The following TANC2 variants were observed in gnomAD, a reference collection of about 807,000 sequenced individuals.
TANC2 encodes the protein protein TANC2.
In TANC2, 26 loss-of-function variants were observed where a neutral mutation model predicts 210.5. The ratio of observed to expected loss-of-function variants is 0.12; its 90% CI spans 0.09 to 0.17. The LOEUF (loss-of-function observed/expected upper bound fraction) is 0.17, where lower values mean the gene tolerates loss of function less well. Among genes scored for constraint, TANC2 ranks in the 10% least tolerant of loss-of-function variants. The pLI, the probability that TANC2 is intolerant of heterozygous loss-of-function variation, is 1.00. For missense variants in TANC2, 2,129 were observed against 2,608.9 expected (o/e 0.82, Z 4.01); for synonymous variants, 931 against 967.1 (o/e 0.96, Z 0.69).
intron 7 of TANC2, among the ~76,000 whole-genome samples, chr17:63,211,957 G>A (rs2041899575): frequency 6.6e-6 from 1 of 152,090 alleles, no homozygotes; most frequent in African/African-American, 2.4e-5. Flanking sequence ...GTATACATGT[G>A]CCGTGTTGGT....
intron 14 of TANC2, among the ~76,000 whole-genome samples, chr17:63,376,814 C>CT (rs771564600): frequency 0.01 from 1,307 of 125,946 alleles, 14 homozygotes; most frequent in African/African-American, 0.015. Context: ...CCACTGTACT[C>CT]TTTTTTTTTT....
At chr17:63,257,868 A>G (rs2043243125) in intron 8 of TANC2, among the ~76,000 whole-genome samples, 1 of 152,198 alleles carries the variant, frequency 6.6e-6, no homozygotes, top group Non-Finnish European at 1.5e-5. Flanking sequence ...TGATAGGTTC[A>G]ACTTTTAGGC....
intron 8 of TANC2, among the ~76,000 whole-genome samples, chr17:63,262,443 G>A (rs1314273913): frequency 6.6e-6 from 1 of 152,156 alleles, no homozygotes; most frequent in Non-Finnish European, 1.5e-5. Context: ...TCCCACCTCA[G>A]CCTTCTTAGT....
At chr17:63,314,498 G>A (rs773996052) in exon 10 of TANC2, 31 of 1,613,888 alleles carry the variant, frequency 1.9e-5, no homozygotes, top group Non-Finnish European at 2.5e-5. Flanking sequence ...GGTTTTCCAC[G>A]AAATAGATGC....
rs140257423 is a variant in TANC2, at chr17:63,058,359, C to G, written c.68-15584C>G. On this transcript the variant is annotated intron_variant, in intron 2 of 27. Transcript: ENST00000689528. The stretch of plus-strand genomic sequence containing the variant: ...TGCATAGTTTGCAAAAATTCTCTCC[C>G]ATTATTTAGATTGTCTATTTACTCT... 8.3e-3 allele frequency among the ~76,000 whole-genome samples: 1,269 copies of G among 152,226 alleles called. 16 individuals carry two copies. Among genetic ancestry groups the G allele is most frequent in the African/African-American group, 0.028 (1,171 of 41,544 alleles).
chr17:63,262,012 A>G (rs1161619122), intron 8 of TANC2, among the ~76,000 whole-genome samples: 1 of 152,220 alleles, frequency 6.6e-6, no homozygotes, highest in Non-Finnish European at 1.5e-5. Flanking sequence ...TTTGTTATCT[A>G]AAAACTAAAT....
intron 6 of TANC2, among the ~76,000 whole-genome samples, chr17:63,197,467 T>C (rs1486242078): frequency 6.6e-6 from 1 of 152,184 alleles, no homozygotes; most frequent in African/African-American, 2.4e-5. Context: ...TGGTGACTTT[T>C]TTCTGAGCTA....
chr17:63,305,884 G>C (rs571384166), intron 9 of TANC2, among the ~76,000 whole-genome samples: 32 of 152,344 alleles, frequency 2.1e-4, no homozygotes, highest in African/African-American at 7.2e-4. Context: ...AGGGTACTCT[G>C]TGAAGACTGC....
intron 5 of TANC2, among the ~76,000 whole-genome samples, chr17:63,181,666 C>T (rs1031172971): frequency 5.9e-5 from 9 of 152,154 alleles, no homozygotes; most frequent in Non-Finnish European, 1.3e-4. Context: ...TCTGCTTTGT[C>T]GGGTAATAAT....
Position 63,421,633 on chromosome 17 carries a change from A to G in TANC2, c.5903A>G (p.Asn1968Ser), listed in dbSNP as rs1249139588. The stretch of plus-strand genomic sequence containing the variant: ...GTCCTCAGTCCCACGTCTCCAGGCA[A>G]CCTGCCTCAGCCTGAGTCCTTCAGT... The change falls in exon 28 of 28, where the codon AAC (asparagine) becomes AGC (serine). Residue 1968 changes from asparagine to serine, a missense_variant. By Grantham distance (46) the Asn-to-Ser change is conservative. Coordinates refer to ENST00000689528, the Ensembl canonical transcript of TANC2. This position sits in a 1 kb window ranked among gnomAD's most constrained non-coding sequence, Gnocchi z 6.9. 2 of 1,614,012 alleles carry G rather than the reference A, an allele frequency of 1.2e-6. No homozygotes were observed. Among genetic ancestry groups the G allele is most frequent in the East Asian group, 2.2e-5 (1 of 44,884 alleles).
intron 4 of TANC2, among the ~76,000 whole-genome samples, chr17:63,140,283 A>G (rs185594315): frequency 6.8e-4 from 103 of 152,368 alleles, no homozygotes; most frequent in Middle Eastern, 3.4e-3. Context: ...TAACTTTTGT[A>G]GCAATTTCAT....
At chr17:63,272,673 A>AC (rs1464718216) in intron 9 of TANC2, among the ~76,000 whole-genome samples, 1 of 152,076 alleles carries the variant, frequency 6.6e-6, no homozygotes, top group Non-Finnish European at 1.5e-5. Flanking sequence ...TAATTCACCT[A>AC]CCTGGTTAAC....
chr17:63,402,154 C>T (rs1260585245), intron 19 of TANC2, among the ~76,000 whole-genome samples: 1 of 152,114 alleles, frequency 6.6e-6, no homozygotes, highest in Non-Finnish European at 1.5e-5. Context: ...TAACAGTAAA[C>T]ATGTTGTTTT....
chr17:63,230,912 G>A (rs1424403332), intron 7 of TANC2, among the ~76,000 whole-genome samples: 1 of 152,122 alleles, frequency 6.6e-6, no homozygotes, highest in African/African-American at 2.4e-5. Flanking sequence ...TCTCTTTGTA[G>A]GTCTCTAAGA....
At chr17:63,214,302 C>T (rs961879699) in intron 7 of TANC2, among the ~76,000 whole-genome samples, 4 of 152,176 alleles carry the variant, frequency 2.6e-5, no homozygotes, top group Middle Eastern at 3.2e-3. Context: ...ACAAATGACT[C>T]GGAGCAGCCC....
intron 4 of TANC2, among the ~76,000 whole-genome samples, chr17:63,099,888 G>C (rs1330589196): frequency 6.6e-6 from 1 of 152,008 alleles, no homozygotes; most frequent in African/African-American, 2.4e-5. Flanking sequence ...ACTTTAATAT[G>C]ATCTCACAAT....
intron 2 of TANC2, among the ~76,000 whole-genome samples, chr17:63,051,032 C>T (rs2035563818): frequency 6.6e-6 from 1 of 152,182 alleles, no homozygotes; most frequent in South Asian, 2.1e-4. Flanking sequence ...TGGTCCACAC[C>T]ATTGACTTAA....
At chr17:63,009,178 A>G (rs2033756893) in intron 1 of TANC2, among the ~76,000 whole-genome samples, 1 of 151,832 alleles carries the variant, frequency 6.6e-6, no homozygotes, top group Admixed American at 6.6e-5. Flanking sequence ...AGTTGTATAT[A>G]TTTATGGGGG....
At chr17:63,103,089 A>G (rs1373215045) in intron 4 of TANC2, among the ~76,000 whole-genome samples, 1 of 148,890 alleles carries the variant, frequency 6.7e-6, no homozygotes, top group Non-Finnish European at 1.5e-5. Flanking sequence ...CCCCATGGAT[A>G]CTGGGGGACA....
Sources: allele counts gnomAD v4.1 joint callset (sites outside exome capture counted in the v4.1 genomes callset), GRCh38; gene constraint gnomAD v4.1.1; non-coding constraint Gnocchi (gnomAD v3.1); transcripts MANE v1.5; gene names NCBI Gene and HGNC (gene_info 2026-07-23, HGNC 2026-07-21).